The following LRBA variants were observed in gnomAD, a reference collection of about 807,000 sequenced individuals.
The protein encoded by LRBA is lipopolysaccharide-responsive and beige-like anchor protein.
A neutral mutation model predicts 330.0 loss-of-function variants in LRBA; 176 were observed. The observed-to-expected ratio is 0.53, with a 90% confidence interval of 0.47 to 0.60. The LOEUF is 0.60. LRBA is among the 20% of genes least tolerant of loss of function. The pLI is 0.00. For synonymous variants in LRBA, 1,230 were observed against 1,193.0 expected (o/e 1.03, Z -0.64); for missense variants, 3,259 against 3,444.8 (o/e 0.95, Z 1.35).
At chr4:150,416,328 T>A (rs1038895192) in intron 46 of LRBA, among the ~76,000 whole-genome samples, 1 of 152,208 alleles carries the variant, frequency 6.6e-6, no homozygotes, top group Non-Finnish European at 1.5e-5. Flanking sequence ...GGTTCAGTGG[T>A]CTTTCAGATA....
At chr4:150,853,405 A>T (rs916999724) in intron 22 of LRBA, among the ~76,000 whole-genome samples, 1 of 152,196 alleles carries the variant, frequency 6.6e-6, no homozygotes, top group Non-Finnish European at 1.5e-5. Context: ...AGCTCTACAG[A>T]TATCTATTAA....
chr4:150,426,818 A>AT (rs200601065), intron 46 of LRBA, among the ~76,000 whole-genome samples: 10 of 151,660 alleles, frequency 6.6e-5, no homozygotes, highest in African/African-American at 1.5e-4. Flanking sequence ...CAAATATATT[A>AT]TTTTTTTTAT....
At chr4:150,416,634 T>TAAA (rs57095412) in intron 46 of LRBA, among the ~76,000 whole-genome samples, 1 of 142,516 alleles carries the variant, frequency 7.0e-6, no homozygotes, top group Non-Finnish European at 1.5e-5. Context: ...ACTGAACAAT[T>TAAA]AAAAAAAAAA....
chr4:150,865,519 A>G (rs1008975467), intron 22 of LRBA, among the ~76,000 whole-genome samples: 3 of 152,316 alleles, frequency 2.0e-5, no homozygotes, highest in Admixed American at 6.5e-5. Context: ...TACAGTGACT[A>G]AAACAAAGCC....
At chr4:150,326,041 C>G in intron 48 of LRBA, 143 bp from the exon 49 acceptor site, 3 of 639,042 alleles carry the variant, frequency 4.7e-6, no homozygotes, top group Non-Finnish European at 8.5e-6. Context: ...TGGGGCTAAC[C>G]ACCTGGCAAG....
intron 5 of LRBA, among the ~76,000 whole-genome samples, 194 bp downstream of exon 5, chr4:150,921,004 A>G (rs1192415128): frequency 6.6e-6 from 1 of 152,218 alleles, no homozygotes; most frequent in Non-Finnish European, 1.5e-5. Context: ...TTTCTCAACT[A>G]ATTTAAGCCT....
chr4:150,837,505 A>G lies in LRBA; in HGVS notation c.4570-5529T>C, dbSNP rs528439082. ...TGTATTGGGTGCATATATATTTAGG[A>G]TAGTTAGCTCTTCTTGTTGAATTGA... On this transcript the variant is annotated intron_variant, in intron 28 of 56. Coordinates refer to ENST00000651943, the MANE Select transcript of LRBA (RefSeq NM_001364905.1). 5.3e-5 allele frequency among the ~76,000 whole-genome samples: 8 copies of G among 152,206 alleles called. No individual in the cohort carries two copies. The South Asian group carries it at 1.5e-3, about 28-fold the overall frequency.
intron 2 of LRBA, among the ~76,000 whole-genome samples, chr4:150,933,436 G>A (rs1243718220): frequency 2.0e-5 from 3 of 150,850 alleles, no homozygotes. Flanking sequence ...ATATAGAAAA[G>A]AATGAGGCCA....
At chr4:150,365,197 G>T (rs1739286216) in intron 47 of LRBA, among the ~76,000 whole-genome samples, 1 of 152,026 alleles carries the variant, frequency 6.6e-6, no homozygotes, top group African/African-American at 2.4e-5. Context: ...TGTAGAGACA[G>T]AGTTTCACCA....
At chr4:150,686,420 AAAG>A (rs930440908) in intron 36 of LRBA, among the ~76,000 whole-genome samples, 42 of 152,336 alleles carry the variant, frequency 2.8e-4, no homozygotes, top group African/African-American at 9.9e-4. Context: ...TGAGCAAATA[AAAG>A]AAAATGATTA....
intron 33 of LRBA, among the ~76,000 whole-genome samples, chr4:150,805,089 G>A (rs531284995): frequency 3.3e-5 from 5 of 151,844 alleles, no homozygotes; most frequent in South Asian, 4.2e-4. Context: ...GGAAATTTAC[G>A]GTAAATCTAC....
intron 26 of LRBA, among the ~76,000 whole-genome samples, chr4:150,847,995 A>G (rs114768922): frequency 0.028 from 4,186 of 151,778 alleles, 178 homozygotes; most frequent in African/African-American, 0.096. Context: ...AGTCAATTTT[A>G]GGCCTTACCC....
intron 34 of LRBA, among the ~76,000 whole-genome samples, chr4:150,767,342 G>GA (rs1241501613): frequency 6.6e-6 from 1 of 151,866 alleles, no homozygotes; most frequent in Non-Finnish European, 1.5e-5. Flanking sequence ...TTCTAAAGCA[G>GA]AAAAAATCAG....
At chr4:150,587,716 T>C (rs1332169984) in intron 40 of LRBA, among the ~76,000 whole-genome samples, 1 of 151,938 alleles carries the variant, frequency 6.6e-6, no homozygotes, top group Non-Finnish European at 1.5e-5. Flanking sequence ...AATTCCACTC[T>C]CAATCTCACT....
intron 36 of LRBA, among the ~76,000 whole-genome samples, chr4:150,716,236 C>G (rs1372595482): frequency 6.6e-6 from 1 of 152,100 alleles, no homozygotes; most frequent in Non-Finnish European, 1.5e-5. Context: ...ATCACGAGCT[C>G]AGGAGTTCAA....
chr4:150,442,524 A>G (rs1183102932), intron 44 of LRBA, among the ~76,000 whole-genome samples: 1 of 152,184 alleles, frequency 6.6e-6, no homozygotes, highest in Admixed American at 6.5e-5. Flanking sequence ...TTCATTTGAT[A>G]TGACTGGGAA....
At chr4:150,319,269 C>T (rs1732153394) in intron 50 of LRBA, among the ~76,000 whole-genome samples, 2 of 152,064 alleles carry the variant, frequency 1.3e-5, no homozygotes, top group South Asian at 4.1e-4. Flanking sequence ...AAGGTTTGCC[C>T]CTCCTCACAT....
intron 47 of LRBA, among the ~76,000 whole-genome samples, chr4:150,388,618 TAGA>T (rs1050229863): frequency 4.7e-4 from 72 of 152,290 alleles, no homozygotes; most frequent in African/African-American, 1.7e-3. Context: ...TCATTCTAAA[TAGA>T]AGAAGTAGGA....
chr4:150,444,535 G>A (rs1306845588), intron 44 of LRBA, among the ~76,000 whole-genome samples: 2 of 152,020 alleles, frequency 1.3e-5, no homozygotes, highest in Non-Finnish European at 2.9e-5. Flanking sequence ...AGGGTATTTC[G>A]TTATATGCTA....
Sources: gnomAD v4.1 joint callset for allele counts (sites outside exome capture counted in the v4.1 genomes callset) on GRCh38, gnomAD v4.1.1 for gene constraint, MANE v1.5 for transcripts, NCBI Gene and HGNC (gene_info 2026-07-23, HGNC 2026-07-21) for gene names.